SMARCA1: variants seen among roughly 807,000 people sequenced by gnomAD.
The protein encoded by SMARCA1 is SWI/SNF-related matrix-associated actin-dependent regulator of chromatin subfamily A member 1.
A neutral mutation model predicts 93.6 loss-of-function variants in SMARCA1; 17 were observed. The ratio of observed to expected loss-of-function variants is 0.18; its 90% CI spans 0.12 to 0.27. The LOEUF (loss-of-function observed/expected upper bound fraction) is 0.27. Among genes scored for constraint, SMARCA1 ranks in the 10% least tolerant of loss-of-function variants. The pLI is 1.00. For synonymous variants in SMARCA1, 271 were observed against 271.4 expected (o/e 1.00, Z 0.01); for missense variants, 630 against 819.0 (o/e 0.77, Z 2.82).
At chrX:129,487,248 T>G in intron 16 of SMARCA1, 111 bp from the exon 17 acceptor site, 1 of 524,250 alleles carries the variant, frequency 1.9e-6, no homozygotes. Context: ...TCCAGTCTGC[T>G]AATTTACAAG....
At chrX:129,464,343 A>G (rs1932858150) in intron 23 of SMARCA1, among the ~76,000 whole-genome samples, 1 of 112,644 alleles carries the variant, frequency 8.9e-6, no homozygotes, top group Admixed American at 9.4e-5. Flanking sequence ...AATGTATCCT[A>G]TTTTATGACT....
chrX:129,466,444 T>G (rs1932908461), intron 21 of SMARCA1, among the ~76,000 whole-genome samples: 2 of 111,196 alleles, frequency 1.8e-5, no homozygotes, highest in Non-Finnish European at 1.9e-5. Flanking sequence ...TGCCTGAGGT[T>G]GGGAGTTTGA....
At chrX:129,465,316 T>C (rs1932881878) in intron 23 of SMARCA1, among the ~76,000 whole-genome samples, 1 of 111,760 alleles carries the variant, frequency 8.9e-6, no homozygotes, top group Admixed American at 9.6e-5. Flanking sequence ...AGAATATAGA[T>C]GTCCCCGTAT....
rs1247420855 is a variant in SMARCA1, at chrX:129,498,045, A to G, written c.1304T>C (p.Ile435Thr). Residue 435 changes from isoleucine (I) to threonine (T), a missense_variant, in exon 11 of 25, where the codon ATT (isoleucine) becomes ACT (threonine). Physicochemically the swap from Ile to Thr is moderately conservative, Grantham distance 89. Transcript: ENST00000371121. Reference protein sequence around the residue: ...EWYTKILMKDIDVLNSSGKMD... With the variant: ...EWYTKILMKDTDVLNSSGKMD... ...CTTGCCAGAAGAGTTTAAAACATCA[A>G]TATCTTTCATCAGGATTTTTGTATA... The G allele has an allele frequency of 1.3e-5, 15 of 1,185,187 alleles. No individual in the cohort carries two copies. The highest frequency in any genetic ancestry group is 1.7e-5 in the Non-Finnish European group (15 of 871,312).
Position 129,471,232 on chromosome X carries a change from G to C in SMARCA1, c.2537C>G (p.Thr846Ser). 1 of 1,195,315 alleles carries C rather than the reference G, an allele frequency of 8.4e-7. No individual in the cohort carries two copies. The highest frequency in any genetic ancestry group is 1.1e-6 in the Non-Finnish European group (1 of 885,399). ...TGTGAGAAGTTTTTCCTTTTCTTCAGTCTCTTCTGGTGTAAGAGGTTCAGC... is the reference window on the plus strand; with the variant it reads ...TGTGAGAAGTTTTTCCTTTTCTTCACTCTCTTCTGGTGTAAGAGGTTCAGC... ...DGAEPLTPEE[T>S]EEKEKLLTQG... The change falls in exon 20 of 25, where the codon ACT (threonine) becomes AGT (serine). Residue 846 changes from threonine (T) to serine (S), a missense_variant. By Grantham distance (58) the Thr-to-Ser change is moderately conservative. Transcript: ENST00000371121.
intron 13 of SMARCA1, 94 bp from the exon 14 acceptor site, chrX:129,492,187 A>G (rs1934153459): frequency 2.0e-6 from 1 of 500,748 alleles, no homozygotes; most frequent in South Asian, 3.8e-5. Flanking sequence ...CATTTAAAAT[A>G]CATATAGAAA....
chrX:129,472,291 T>C (rs987684077), intron 19 of SMARCA1, among the ~76,000 whole-genome samples: 14 of 111,595 alleles, frequency 1.3e-4, no homozygotes, highest in Non-Finnish European at 2.1e-4. Flanking sequence ...CTACACTTTA[T>C]AGCATTCCAT....
At chrX:129,463,325 T>C (rs1342794724) in intron 23 of SMARCA1, among the ~76,000 whole-genome samples, 1 of 111,792 alleles carries the variant, frequency 8.9e-6, no homozygotes. Context: ...CTGCTAAACA[T>C]AGTCATAGAT....
chrX:129,523,274 T>G lies in SMARCA1; in HGVS notation c.97A>C (p.Thr33Pro). 1 of 1,209,330 alleles carries G rather than the reference T, an allele frequency of 8.3e-7. No individual in the cohort carries two copies. The highest frequency in any genetic ancestry group is 1.1e-6 in the Non-Finnish European group (1 of 894,659). Residue 33 changes from threonine to proline, a missense_variant, in exon 1 of 25, where the codon ACC becomes CCC. Physicochemically the swap from Thr to Pro is conservative, Grantham distance 38. Transcript: ENST00000371121. ...GCGGCCGCTCCCTCCTCCTGAGAGG[T>G]GGACGGCCCGGGCTGCTCGTCCTCT... ...VIEDEQPGPS[T>P]SQEEGAAAAA...
intron 17 of SMARCA1, among the ~76,000 whole-genome samples, chrX:129,483,210 CA>C (rs1387611735): frequency 4.5e-5 from 5 of 112,124 alleles, no homozygotes; most frequent in African/African-American, 1.6e-4. Flanking sequence ...TAATCTCTTT[CA>C]TCAAGGAACT....
At chrX:129,482,321 T>TAA (rs1462723154) in intron 17 of SMARCA1, among the ~76,000 whole-genome samples, 1 of 107,877 alleles carries the variant, frequency 9.3e-6, no homozygotes, top group African/African-American at 3.4e-5. Flanking sequence ...CCCTAAAACT[T>TAA]AAAGTATAAT....
chrX:129,495,083 T>C (rs6637604), intron 12 of SMARCA1, among the ~76,000 whole-genome samples: 11,168 of 111,660 alleles, frequency 0.1, 478 homozygotes, highest in East Asian at 0.32. Flanking sequence ...AAAAGCAAAT[T>C]GGCATGTCTA....
At chrX:129,521,124 G>C (rs1312215226) in intron 1 of SMARCA1, among the ~76,000 whole-genome samples, 1 of 111,163 alleles carries the variant, frequency 9.0e-6, no homozygotes, top group Non-Finnish European at 1.9e-5. Flanking sequence ...GACCTCAAGT[G>C]ATCTACCCGC....
chrX:129,496,999 GCACA>G (rs56171349), intron 11 of SMARCA1, 128 bp from the exon 12 acceptor site: 870 of 408,190 alleles, frequency 2.1e-3, no homozygotes, highest in East Asian at 6.2e-3. Flanking sequence ...ACACACACGT[GCACA>G]CACACACACA....
chrX:129,468,272 C>G (rs982360117), intron 21 of SMARCA1, among the ~76,000 whole-genome samples: 4 of 112,348 alleles, frequency 3.6e-5, no homozygotes, highest in Non-Finnish European at 5.6e-5. Context: ...TTGATTAAAG[C>G]AATCTTTTCA....
rs763343505 is a variant in SMARCA1 at position 129,516,488 on chromosome X, G to A, written c.271C>T (p.Arg91Ter). 8.4e-7 allele frequency: 1 copy of A among 1,195,761 alleles called. No homozygotes were observed. ...AGTAAAAATTCAAATCTCTTTGCTC[G>A]GTCGGCTTTCTAATTTGCAAAACAA... is the stretch of plus-strand genomic sequence containing the variant. The part of the protein sequence containing the change: ...PEYEEKMKAD[R>*]AKRFEFLLKQ... Residue 91 changes from arginine to a stop codon, truncating the protein, a stop_gained, in exon 3 of 25, where the codon CGA becomes TGA. Transcript: ENST00000371121. LOFTEE classifies it high-confidence loss of function.
At chrX:129,471,392 C>T in intron 19 of SMARCA1, 66 bp from the exon 20 acceptor site, 1 of 711,771 alleles carries the variant, frequency 1.4e-6, no homozygotes. Flanking sequence ...GCTGTATATA[C>T]ACATATCAAT....
chrX:129,502,421 A>C (rs913369226), intron 9 of SMARCA1, among the ~76,000 whole-genome samples: 1 of 105,773 alleles, frequency 9.5e-6, no homozygotes, highest in African/African-American at 3.5e-5. Context: ...CCTAGAAACC[A>C]AGCAGCAAAG....
At chrX:129,508,925 C>T (rs968521088) in intron 6 of SMARCA1, among the ~76,000 whole-genome samples, 5 of 111,705 alleles carry the variant, frequency 4.5e-5, no homozygotes, top group Admixed American at 9.5e-5. Flanking sequence ...TGGTGGCTCA[C>T]GCCTGTAATG....
Sources: gnomAD v4.1 joint callset for allele counts (sites outside exome capture counted in the v4.1 genomes callset) on GRCh38, gnomAD v4.1.1 for gene constraint, MANE v1.5 for transcripts, NCBI Gene and HGNC (gene_info 2026-07-23, HGNC 2026-07-21) for gene names.